The following MNAT1 variants were observed in gnomAD, a reference collection of about 807,000 sequenced individuals.
MNAT1 encodes the protein CDK-activating kinase assembly factor MAT1.
A neutral mutation model predicts 42.0 loss-of-function variants in MNAT1; 43 were observed. The observed-to-expected ratio is 1.02, with a 90% CI of 0.80 to 1.32. The LOEUF (loss-of-function observed/expected upper bound fraction) is 1.32. Among genes scored for constraint, MNAT1 ranks in the 40% most tolerant of loss-of-function variants. The pLI is 0.00. For missense variants in MNAT1, 306 were observed against 350.4 expected (o/e 0.87, Z 1.01); for synonymous variants, 118 against 120.0 (o/e 0.98, Z 0.11).
At chr14:60,885,833 T>C (rs1035135157) in intron 7 of MNAT1, among the ~76,000 whole-genome samples, 3 of 151,996 alleles carry the variant, frequency 2.0e-5, no homozygotes, top group Non-Finnish European at 2.9e-5. Context: ...CAGAAAACCA[T>C]TGCCAAAGTT....
chr14:60,781,957 G>GTT (rs2031477695), intron 1 of MNAT1, among the ~76,000 whole-genome samples: 1 of 142,772 alleles, frequency 7.0e-6, no homozygotes, highest in Non-Finnish European at 1.5e-5. Context: ...TTTTGTTTGT[G>GTT]TGTGTGTGTG....
intron 7 of MNAT1, among the ~76,000 whole-genome samples, chr14:60,916,478 GA>G (rs1388670896): frequency 6.6e-6 from 1 of 152,052 alleles, no homozygotes; most frequent in Non-Finnish European, 1.5e-5. Context: ...AACATAACAA[GA>G]TCTCGTCTTT....
At chr14:60,808,250 G>A (rs923969558) in intron 3 of MNAT1, 75 bp from the exon 4 acceptor site, 3 of 837,432 alleles carry the variant, frequency 3.6e-6, no homozygotes, top group East Asian at 5.9e-5. Flanking sequence ...AGTCACTGTG[G>A]TATTTGTTTT....
intron 7 of MNAT1, among the ~76,000 whole-genome samples, chr14:60,900,366 G>A (rs2035049004): frequency 6.6e-6 from 1 of 152,182 alleles, no homozygotes. Context: ...TGTTAAGAAA[G>A]CAAAACAGCC....
intron 7 of MNAT1, among the ~76,000 whole-genome samples, chr14:60,880,641 A>G (rs1365580707): frequency 6.6e-6 from 1 of 152,224 alleles, no homozygotes; most frequent in Non-Finnish European, 1.5e-5. Context: ...AACAAGAAAG[A>G]TGAAACAAAT....
chr14:60,925,238 C>T (rs928528605), intron 7 of MNAT1, among the ~76,000 whole-genome samples: 1 of 151,910 alleles, frequency 6.6e-6, no homozygotes, highest in Admixed American at 6.6e-5. Flanking sequence ...CCCTGGTGTC[C>T]AGGGGGGTGA....
chr14:60,836,695 C>G (rs1219059535), intron 6 of MNAT1, among the ~76,000 whole-genome samples: 2 of 152,198 alleles, frequency 1.3e-5, no homozygotes, highest in Non-Finnish European at 2.9e-5. Flanking sequence ...GGAGGTGTCT[C>G]CCAATCAGGA....
intron 7 of MNAT1, among the ~76,000 whole-genome samples, chr14:60,952,070 T>G (rs1049984531): frequency 1.3e-5 from 2 of 152,184 alleles, no homozygotes; most frequent in African/African-American, 2.4e-5. Flanking sequence ...AGAAGAGTAT[T>G]TTGTAGATCT....
intron 7 of MNAT1, among the ~76,000 whole-genome samples, chr14:60,928,311 T>C (rs541173861): frequency 6.6e-6 from 1 of 152,332 alleles, no homozygotes; most frequent in South Asian, 2.1e-4. Context: ...TTGGACACCA[T>C]TAATAATGCT....
chr14:60,946,460 ACCATT>A (rs2036278082), intron 7 of MNAT1, among the ~76,000 whole-genome samples: 1 of 151,292 alleles, frequency 6.6e-6, no homozygotes, highest in Non-Finnish European at 1.5e-5. Flanking sequence ...CTTCTATCGA[ACCATT>A]CTCTTATTCT....
At chr14:60,867,904 A>G (rs1485590188) in intron 6 of MNAT1, among the ~76,000 whole-genome samples, 1 of 152,120 alleles carries the variant, frequency 6.6e-6, no homozygotes, top group Non-Finnish European at 1.5e-5. Flanking sequence ...AAGAAATTAG[A>G]GAAAAATCAT....
At chr14:60,959,528 G>A (rs2036549704) in intron 7 of MNAT1, among the ~76,000 whole-genome samples, 1 of 21,340 alleles carries the variant, frequency 4.7e-5, no homozygotes, top group Non-Finnish European at 5.7e-4. Flanking sequence ...CCATGCCAGT[G>A]ATTACAAACT....
At chr14:60,797,885 G>A (rs1290474743) in intron 2 of MNAT1, among the ~76,000 whole-genome samples, 2 of 152,038 alleles carry the variant, frequency 1.3e-5, no homozygotes, top group Non-Finnish European at 2.9e-5. Context: ...AGCCAAGATT[G>A]TGCCACTGCA....
intron 1 of MNAT1, among the ~76,000 whole-genome samples, chr14:60,754,302 G>A (rs1239705732): frequency 6.6e-6 from 1 of 151,322 alleles, no homozygotes; most frequent in Non-Finnish European, 1.5e-5. Context: ...CACATATTAG[G>A]GATTTTATTT....
chr14:60,963,628 G>T (rs1390748016), intron 7 of MNAT1, among the ~76,000 whole-genome samples: 2 of 152,152 alleles, frequency 1.3e-5, no homozygotes, highest in Non-Finnish European at 2.9e-5. Flanking sequence ...CTTAATGGCA[G>T]TTAGATTTGA....
At chr14:60,873,357 C>T (rs1165218179) in intron 6 of MNAT1, among the ~76,000 whole-genome samples, 1 of 152,012 alleles carries the variant, frequency 6.6e-6, no homozygotes, top group East Asian at 1.9e-4. Flanking sequence ...AAAACATACC[C>T]ATTTTATACC....
At chr14:60,741,779 A>T (rs964754371) in intron 1 of MNAT1, among the ~76,000 whole-genome samples, 2 of 148,916 alleles carry the variant, frequency 1.3e-5, no homozygotes, top group African/African-American at 2.5e-5. Flanking sequence ...AAATGTAGGT[A>T]TTACAAGAGT....
chr14:60,797,066 C>T (rs2032042391), intron 2 of MNAT1, among the ~76,000 whole-genome samples: 1 of 151,858 alleles, frequency 6.6e-6, no homozygotes, highest in Non-Finnish European at 1.5e-5. Flanking sequence ...ACTCTTTACT[C>T]TTTGTTAATA....
Position 60,817,239 on chromosome 14 carries a change from T to G in MNAT1, c.562-1483T>G, listed in dbSNP as rs558843735. 5.3e-5 allele frequency among the ~76,000 whole-genome samples: 8 copies of G among 151,816 alleles called. No individual in the cohort carries two copies. In the South Asian group the frequency reaches 1.7e-3, roughly 31 times the overall value. ...TGTTCTTTAATTTTATATTTTATTA[T>G]AAAATTCTTAATGTAAATCTAGAAT... On this transcript the variant is annotated intron_variant, in intron 5 of 7. Coordinates refer to ENST00000261245, the MANE Select transcript of MNAT1 (RefSeq NM_002431.4).
Sources: gnomAD v4.1 joint callset for allele counts (sites outside exome capture counted in the v4.1 genomes callset) on GRCh38, gnomAD v4.1.1 for gene constraint, MANE v1.5 for transcripts, NCBI Gene and HGNC (gene_info 2026-07-23, HGNC 2026-07-21) for gene names.